ALDH16A1: variants seen among roughly 807,000 people sequenced by gnomAD.
ALDH16A1 encodes the protein aldehyde dehydrogenase 16 family member A1, also known as aldehyde dehydrogenase family 16 member A1.
ALDH16A1 carries 88 observed loss-of-function variants against 96.1 expected under a neutral mutation model. The observed-to-expected ratio is 0.92, with a 90% CI of 0.77 to 1.09. The LOEUF is 1.09. Ranked by LOEUF, ALDH16A1 falls within the 50% of genes least tolerant of loss-of-function variation. The pLI is 0.00. For missense variants in ALDH16A1, 1,250 were observed against 1,112.6 expected, an observed-to-expected ratio of 1.12 and a Z score of -1.76; for synonymous variants, 522 against 496.4, an observed-to-expected ratio of 1.05 and a Z score of -0.69.
At chr19:49,457,343 C>A (rs1376778478) in intron 1 of ALDH16A1, among the ~76,000 whole-genome samples, 1 of 151,686 alleles carries the variant, frequency 6.6e-6, no homozygotes, top group Non-Finnish European at 1.5e-5. Flanking sequence ...GTCAGGAGAT[C>A]AAGACCATCC....
rs772572192 is a variant in ALDH16A1 at position 49,470,454 on chromosome 19, C to G, written c.2396C>G (p.Pro799Arg). 9 of 1,578,968 alleles carry G rather than the reference C, an allele frequency of 5.7e-6. No individual in the cohort carries two copies. The highest frequency in any genetic ancestry group is 7.7e-6 in the Non-Finnish European group (9 of 1,165,274). ...RVARTKALWLPMGD is the reference protein window; with the variant it reads ...RVARTKALWLRMGD The stretch of plus-strand genomic sequence containing the variant: ...GCGCGGACCAAGGCCCTGTGGCTGC[C>G]TATGGGGGACTGATGCCTGAGCGCC... Residue 799 changes from proline to arginine, a missense_variant, in exon 17 of 17, where the codon CCT becomes CGT. By Grantham distance (103) the Pro-to-Arg change is moderately radical. Coordinates refer to ENST00000293350, the MANE Select transcript of ALDH16A1 (RefSeq NM_153329.4).
intron 14 of ALDH16A1, 73 bp downstream of exon 14, chr19:49,466,356 C>A: frequency 7.2e-7 from 1 of 1,390,208 alleles, no homozygotes; most frequent in Non-Finnish European, 9.3e-7. Flanking sequence ...GTGAGATAAC[C>A]CAGGCTTGGA....
chr19:49,461,773 G>A lies in ALDH16A1; in HGVS notation c.732G>A (p.Arg244=). The A allele has an allele frequency of 6.2e-7, 1 of 1,611,436 alleles. No individual in the cohort carries two copies. Among genetic ancestry groups the A allele is most frequent in the Non-Finnish European group, 8.5e-7 (1 of 1,178,918 alleles). The part of the protein sequence containing the change: ...VPILASQPGI[R]KVAFCGAPEE... ...TCCTGGCCTCCCAGCCTGGAATCCG[G>A]AAGGTGGCCTTCTGCGGAGCCCCGG... The change falls in exon 6 of 17, where the codon CGG becomes CGA. Residue 244 remains arginine (R), a synonymous_variant. Transcript: ENST00000293350.
chr19:49,462,104 G>T, intron 7 of ALDH16A1, 68 bp downstream of exon 7: 1 of 1,448,088 alleles, frequency 6.9e-7, no homozygotes, highest in South Asian at 1.4e-5. Flanking sequence ...AGTCTTCGGG[G>T]TCCCGAGTCT....
At chr19:49,454,697 A>G (rs1431945307) in intron 1 of ALDH16A1, among the ~76,000 whole-genome samples, 1 of 152,214 alleles carries the variant, frequency 6.6e-6, no homozygotes, top group Non-Finnish European at 1.5e-5. Context: ...CAATGATCCA[A>G]GTGGAAGGAA....
At chr19:49,467,430 T>C (rs2079207937) in intron 14 of ALDH16A1, among the ~76,000 whole-genome samples, 2 of 150,126 alleles carry the variant, frequency 1.3e-5, no homozygotes, top group African/African-American at 4.9e-5. Flanking sequence ...AGTCTCGCTC[T>C]GTCGCCCAGG....
At position 49,460,810 on chromosome 19, in the gene ALDH16A1, T is replaced by A; in HGVS notation, c.500-12T>A. The A allele has an allele frequency of 1.2e-6, 2 of 1,612,598 alleles. No homozygotes were observed. The highest frequency in any genetic ancestry group is 1.1e-5 in the South Asian group (1 of 91,050). The stretch of plus-strand genomic sequence containing the variant: ...CCTCAAGGGATCCTCTTGCCTCATT[T>A]TTTTCTTGCAGGAGTAATTGGCCTC... On this transcript the variant is annotated splice_polypyrimidine_tract_variant and intron_variant, in intron 4 of 16. Transcript: ENST00000293350.
rs2079241397 is a variant in ALDH16A1 at position 49,470,978 on chromosome 19, T to C, written c.*511T>C. 2 of 152,512 alleles carry C rather than the reference T, an allele frequency of 1.3e-5. No homozygotes were observed. The highest frequency in any genetic ancestry group is 4.8e-5 in the African/African-American group (2 of 41,476). The allele number at this position is 152,512 out of a possible 1,614,324, so 9.4% of individuals were successfully genotyped here. Reference sequence around the variant, plus strand: ...TGGTGGCTCTTGCTCTCTGGTTTTCTCTACCTTTTCATGGCCCCAGAATCC... The same window carrying C: ...TGGTGGCTCTTGCTCTCTGGTTTTCCCTACCTTTTCATGGCCCCAGAATCC... On this transcript the variant is annotated 3_prime_UTR_variant, in exon 17 of 17. Coordinates refer to ENST00000293350, the MANE Select transcript of ALDH16A1 (RefSeq NM_153329.4).
intron 7 of ALDH16A1, 127 bp downstream of exon 7, chr19:49,462,163 A>C: frequency 2.3e-6 from 3 of 1,331,760 alleles, no homozygotes; most frequent in Non-Finnish European, 2.9e-6. Flanking sequence ...ACGGAGTTTC[A>C]CTCTTGTCGC....
At chr19:49,469,094 G>T in intron 16 of ALDH16A1, 108 bp downstream of exon 16, 1 of 1,456,886 alleles carries the variant, frequency 6.9e-7, no homozygotes. Context: ...GGTAAGGGGA[G>T]AAACTCCTTG....
At chr19:49,460,714 AT>A (rs35639941) in intron 4 of ALDH16A1, 107 bp from the exon 5 acceptor site, 17,404 of 646,124 alleles carry the variant, frequency 0.027, 20 homozygotes, top group East Asian at 0.076. Flanking sequence ...ACACCCGGCC[AT>A]TTTTTTTTTT....
At position 49,464,732 on chromosome 19, in the gene ALDH16A1, C is replaced by T. The variant is rs760111667; in HGVS notation, c.1538C>T (p.Thr513Ile). ...YDTFGLAVPS[T>I]LPAGPEIGPS... ...ACCTTTGGCCTCGCTGTTCCCTCAACCCTGCCGGCTGGGCCTGAAATAGGG... is the reference window on the plus strand; with the variant it reads ...ACCTTTGGCCTCGCTGTTCCCTCAATCCTGCCGGCTGGGCCTGAAATAGGG... Residue 513 changes from threonine to isoleucine, a missense_variant, in exon 12 of 17, where the codon ACC becomes ATC. Transcript: ENST00000293350. The T allele has an allele frequency of 1.2e-6, 2 of 1,613,730 alleles. No homozygotes were observed. Among genetic ancestry groups the T allele is most frequent in the Non-Finnish European group, 8.5e-7 (1 of 1,179,596 alleles).
intron 1 of ALDH16A1, among the ~76,000 whole-genome samples, chr19:49,456,740 C>T (rs532698012): frequency 1.3e-5 from 2 of 152,264 alleles, no homozygotes; most frequent in African/African-American, 4.8e-5. Context: ...TCAAATATCC[C>T]TGACTTTCTC....
In ALDH16A1 at chr19:49,464,517, C is replaced by G. The variant is rs2079181615; in HGVS notation, c.1432C>G (p.Pro478Ala). 2 of 1,613,750 alleles carry G rather than the reference C, an allele frequency of 1.2e-6. No individual in the cohort carries two copies. Among genetic ancestry groups the G allele is most frequent in the Non-Finnish European group, 1.7e-6 (2 of 1,179,968 alleles). ...GAGTGGGTGTTCCTGGCACGGGGGC[C>G]CAGACGTGAGTACATCCCCTCCCCG... ...KESGCSWHGG[P>A]DGLYEYLRPS... is the part of the protein sequence containing the mutation. The change falls in exon 11 of 17, where the codon CCA becomes GCA. Residue 478 changes from proline to alanine, a missense_variant. Physicochemically the swap from Pro to Ala is conservative, Grantham distance 27. Coordinates refer to ENST00000293350, the MANE Select transcript of ALDH16A1 (RefSeq NM_153329.4).
chr19:49,454,086 G>T (rs1414796334), intron 1 of ALDH16A1, among the ~76,000 whole-genome samples: 1 of 144,084 alleles, frequency 6.9e-6, no homozygotes, highest in Non-Finnish European at 1.5e-5. Context: ...GTGCACTGGC[G>T]CTATCACACC....
intron 14 of ALDH16A1, among the ~76,000 whole-genome samples, chr19:49,467,433 C>T (rs1410294826): frequency 4.1e-5 from 6 of 147,078 alleles, no homozygotes; most frequent in African/African-American, 7.6e-5. Context: ...CTCGCTCTGT[C>T]GCCCAGGCTG....
Position 49,470,653 on chromosome 19 carries a change from T to TTTC in ALDH16A1, c.*188_*189insCTT. On this transcript the variant is annotated 3_prime_UTR_variant, in exon 17 of 17. Transcript: ENST00000293350. ...GGCAGATATGAGGCTTTTTTCTTTT[T>TTTC]TTTTTTTTTTTTTGAGACAACGTCT... The TTTC allele has an allele frequency of 3.8e-6, 2 of 520,684 alleles. No individual in the cohort carries two copies. The highest frequency in any genetic ancestry group is 3.0e-5 in the African/African-American group (1 of 33,842). 32.3% of individuals were successfully genotyped at this position (520,684 alleles called of 1,614,324 possible).
chr19:49,465,014 A>C (rs1428051203), intron 12 of ALDH16A1, among the ~76,000 whole-genome samples: 1 of 152,118 alleles, frequency 6.6e-6, no homozygotes. Context: ...GGTTCACTGG[A>C]GCAGAAGCTT....
intron 1 of ALDH16A1, among the ~76,000 whole-genome samples, chr19:49,457,906 A>G (rs1034743938): frequency 6.6e-6 from 1 of 152,134 alleles, no homozygotes; most frequent in Non-Finnish European, 1.5e-5. Flanking sequence ...CACCAGCCCA[A>G]GGACTCAGTT....
Sources: gnomAD v4.1 joint callset for allele counts (sites outside exome capture counted in the v4.1 genomes callset) on GRCh38, gnomAD v4.1.1 for gene constraint, MANE v1.5 for transcripts, NCBI Gene and HGNC (gene_info 2026-07-23, HGNC 2026-07-21) for gene names.